FRMD6: variants seen among roughly 807,000 people sequenced by gnomAD.
FRMD6 encodes the protein FERM domain-containing protein 6.
In FRMD6, 37 loss-of-function variants were observed where a neutral mutation model predicts 73.2. The ratio of observed to expected loss-of-function variants is 0.51; its 90% CI spans 0.39 to 0.66. The LOEUF (loss-of-function observed/expected upper bound fraction) is 0.66, where lower values mean the gene tolerates loss of function less well. Ranked by LOEUF, FRMD6 falls within the 30% of genes least tolerant of loss-of-function variation. The probability of loss-of-function intolerance (pLI) is 0.00; values close to 1 mark genes in which losing one functional copy is unlikely to be tolerated. For missense variants in FRMD6, 714 were observed against 780.5 expected, an observed-to-expected ratio of 0.91 and a Z score of 1.02; for synonymous variants, 273 against 282.2, an observed-to-expected ratio of 0.97 and a Z score of 0.33.
intron 6 of FRMD6, 55 bp downstream of exon 6, chr14:51,704,990 G>T (rs1033257403): frequency 3.4e-6 from 5 of 1,489,834 alleles, no homozygotes; most frequent in African/African-American, 2.8e-5. Context: ...TTTCTAGTTC[G>T]TAGTGTTGCT....
In FRMD6 at chr14:51,497,234, C is replaced by CTTT. The variant is rs540369904; in HGVS notation, c.-210+7830_-210+7832dup. Among the ~76,000 whole-genome samples, 106 of 137,916 alleles carry CTTT rather than the reference C, an allele frequency of 7.7e-4. 2 individuals are homozygous for CTTT. In the East Asian group the frequency reaches 0.014, roughly 18 times the overall value. The allele number at this position is 137,916 out of a possible 152,430, so 90.5% of individuals were successfully genotyped here. A position where few individuals can be genotyped will look rare whatever the true frequency, so the allele number is the denominator to read the frequency against. ...TTCTTGATTCCATCTTCTGAAATAA[C>CTTT]TTTTTTTTTTTTTTTTTTAAGAAAC... On this transcript the variant is annotated intron_variant, in intron 1 of 14. Coordinates refer to the FRMD6 transcript ENST00000356218.
chr14:51,668,843 T>A (rs569550825), intron 1 of FRMD6, among the ~76,000 whole-genome samples: 1 of 150,810 alleles, frequency 6.6e-6, no homozygotes, highest in East Asian at 2.0e-4. Context: ...AATTTTTGTA[T>A]TTTTTAGCAG....
the FRMD6 span, among the ~76,000 whole-genome samples, chr14:51,445,503 A>G: frequency 6.6e-6 from 1 of 150,754 alleles, no homozygotes; most frequent in African/African-American, 2.4e-5. Context: ...ACAAATCTCC[A>G]TGATCATAAA....
intron 9 of FRMD6, chr14:51,714,498 G>A (rs1897135580): frequency 6.6e-6 from 1 of 152,130 alleles, no homozygotes; most frequent in South Asian, 2.1e-4. Flanking sequence ...TTCATTATTA[G>A]GAAAGTTAAA....
chr14:51,637,423 T>C (rs974093666), intron 2 of FRMD6: 2 of 151,848 alleles, frequency 1.3e-5, no homozygotes, highest in Non-Finnish European at 1.5e-5. Flanking sequence ...GTCAAATATA[T>C]GTCATTCTTT....
chr14:51,715,877 A>G (rs1332387967), intron 10 of FRMD6, among the ~76,000 whole-genome samples: 1 of 152,216 alleles, frequency 6.6e-6, no homozygotes, highest in East Asian at 1.9e-4. Context: ...GACCCACCTT[A>G]GTGCTATTAT....
At chr14:51,440,418 G>A in the FRMD6 span, among the ~76,000 whole-genome samples, 2 of 152,300 alleles carry the variant, frequency 1.3e-5, no homozygotes, top group Admixed American at 6.5e-5. Context: ...TTTTATTCTG[G>A]TTTGGTTATG....
chr14:51,539,853 G>A (rs1886107081), intron 1 of FRMD6, among the ~76,000 whole-genome samples: 1 of 152,172 alleles, frequency 6.6e-6, no homozygotes, highest in African/African-American at 2.4e-5. Context: ...GGGAGTAGAG[G>A]AAGGTGGGGA....
chr14:51,693,479 T>G (rs1895741563), intron 2 of FRMD6, among the ~76,000 whole-genome samples: 1 of 152,178 alleles, frequency 6.6e-6, no homozygotes, highest in South Asian at 2.1e-4. Context: ...TCCACAACTT[T>G]GCAATCTAGG....
At chr14:51,690,889 A>C (rs903352635) in intron 2 of FRMD6, among the ~76,000 whole-genome samples, 2 of 152,136 alleles carry the variant, frequency 1.3e-5, no homozygotes, top group Admixed American at 1.3e-4. Flanking sequence ...TATAATTTAC[A>C]TACTGCAAAG....
At chr14:51,583,766 C>T (rs941788925) in intron 2 of FRMD6, among the ~76,000 whole-genome samples, 3 of 152,134 alleles carry the variant, frequency 2.0e-5, no homozygotes, top group Non-Finnish European at 2.9e-5. Context: ...TGGTGCAGCC[C>T]GAAGTCACTC....
the FRMD6 span, among the ~76,000 whole-genome samples, chr14:51,437,125 T>TC: frequency 6.6e-6 from 1 of 152,150 alleles, no homozygotes; most frequent in Non-Finnish European, 1.5e-5. Flanking sequence ...CCTAATGCTA[T>TC]CCCTCCCCCG....
intron 3 of FRMD6, among the ~76,000 whole-genome samples, chr14:51,699,212 A>C (rs1896135439): frequency 6.6e-6 from 1 of 152,090 alleles, no homozygotes; most frequent in Admixed American, 6.6e-5. Flanking sequence ...AGCAGGGAAC[A>C]CATCAGGACC....
At chr14:51,630,660 T>A (rs1395554182) in intron 2 of FRMD6, among the ~76,000 whole-genome samples, 4 of 151,998 alleles carry the variant, frequency 2.6e-5, no homozygotes, top group Non-Finnish European at 5.9e-5. Context: ...GGTGGGAGGA[T>A]CATTTGAGCC....
chr14:51,487,075 G>A (rs529891317), upstream of FRMD6, among the ~76,000 whole-genome samples: 7 of 152,174 alleles, frequency 4.6e-5, no homozygotes, highest in Non-Finnish European at 1.0e-4. Context: ...CTCAGTATGG[G>A]TTTGGGAATC....
intron 2 of FRMD6, among the ~76,000 whole-genome samples, chr14:51,627,498 C>T (rs1056493167): frequency 2.6e-5 from 4 of 152,150 alleles, no homozygotes; most frequent in Non-Finnish European, 4.4e-5. Context: ...GATGAAGCAG[C>T]ACAGCCCAGA....
At chr14:51,607,029 C>T (rs909813499) in intron 2 of FRMD6, among the ~76,000 whole-genome samples, 1 of 151,988 alleles carries the variant, frequency 6.6e-6, no homozygotes, top group Admixed American at 6.5e-5. Context: ...TGTCCGGGTC[C>T]CCAGTAGATT....
intron 2 of FRMD6, among the ~76,000 whole-genome samples, chr14:51,645,603 ATTTTTTAT>A (rs955219322): frequency 6.6e-6 from 1 of 151,918 alleles, no homozygotes; most frequent in African/African-American, 2.4e-5. Context: ...CGCCCAGCTA[ATTTTTTAT>A]TTTTTTATTT....
At chr14:51,678,461 C>T (rs1469138553) in intron 1 of FRMD6, among the ~76,000 whole-genome samples, 1 of 152,146 alleles carries the variant, frequency 6.6e-6, no homozygotes, top group Non-Finnish European at 1.5e-5. Context: ...AAGAAATGTA[C>T]ACATTTCCTC....
Sources: allele counts gnomAD v4.1 joint callset (sites outside exome capture counted in the v4.1 genomes callset), GRCh38; gene constraint gnomAD v4.1.1; transcripts MANE v1.5; gene names NCBI Gene and HGNC (gene_info 2026-07-23, HGNC 2026-07-21).